STPG2: variants seen among roughly 807,000 people sequenced by gnomAD.
STPG2 encodes the protein sperm-tail PG-rich repeat-containing protein 2.
STPG2 carries 56 observed loss-of-function variants against 54.2 expected under a neutral mutation model. The ratio of observed to expected loss-of-function variants is 1.03; its 90% CI spans 0.83 to 1.29. The LOEUF (loss-of-function observed/expected upper bound fraction) is 1.29. Ranked by LOEUF, STPG2 falls within the 50% of genes most tolerant of loss-of-function variation. STPG2 has a pLI of 0.00. For missense variants in STPG2, 596 were observed against 544.9 expected, an observed-to-expected ratio of 1.09 and a Z score of -0.93; for synonymous variants, 200 against 181.8, an observed-to-expected ratio of 1.10 and a Z score of -0.81.
chr4:97,920,255 C>T (rs1732046605), intron 8 of STPG2, among the ~76,000 whole-genome samples: 1 of 152,128 alleles, frequency 6.6e-6, no homozygotes, highest in African/African-American at 2.4e-5. Flanking sequence ...GTTCAAATAG[C>T]TCTTCTCACT....
chr4:98,018,899 T>C (rs1736069744), intron 5 of STPG2, among the ~76,000 whole-genome samples: 1 of 151,966 alleles, frequency 6.6e-6, no homozygotes, highest in Non-Finnish European at 1.5e-5. Context: ...TTTGAGTTCA[T>C]TGTAGATTCT....
rs182221324 is a variant in STPG2 at position 98,069,413 on chromosome 4, C to G, written c.612+36540G>C. Among the ~76,000 whole-genome samples the G allele has an allele frequency of 1.5e-3, 231 of 152,082 alleles. 1 individual carries two copies. Among genetic ancestry groups the G allele is most frequent in the African/African-American group, 5.4e-3 (223 of 41,460 alleles). The stretch of plus-strand genomic sequence containing the variant: ...TATTATTTATAAAGTTTTGCCTTTT[C>G]CCCATCTGTCATCATGATTTGTTGC... On this transcript the variant is annotated intron_variant, in intron 5 of 10. Coordinates refer to ENST00000295268, the MANE Select transcript of STPG2 (RefSeq NM_174952.3).
intron 10 of STPG2, among the ~76,000 whole-genome samples, chr4:97,587,843 C>CCT (rs2148895839): frequency 6.6e-6 from 1 of 152,070 alleles, no homozygotes; most frequent in East Asian, 1.9e-4. Context: ...TCCTGACCCT[C>CCT]CTTAAGTCTG....
chr4:97,609,827 T>C (rs564600310), intron 10 of STPG2, among the ~76,000 whole-genome samples: 1 of 152,110 alleles, frequency 6.6e-6, no homozygotes, highest in East Asian at 1.9e-4. Flanking sequence ...ACATGTTGAA[T>C]TCATTTCAAA....
chr4:97,649,398 T>C (rs1722001641), intron 10 of STPG2, among the ~76,000 whole-genome samples: 1 of 152,178 alleles, frequency 6.6e-6, no homozygotes, highest in African/African-American at 2.4e-5. Flanking sequence ...TGGCTTTAAT[T>C]TGAAATAGTC....
chr4:97,497,078 T>C (rs546513038), intron 4 of STPG2, among the ~76,000 whole-genome samples: 1 of 148,894 alleles, frequency 6.7e-6, no homozygotes, highest in South Asian at 2.1e-4. Flanking sequence ...ATAAGAAAAA[T>C]AAGCATTCTT....
intron 10 of STPG2, among the ~76,000 whole-genome samples, chr4:97,610,104 T>G (rs912706829): frequency 6.6e-6 from 1 of 151,874 alleles, no homozygotes; most frequent in Non-Finnish European, 1.5e-5. Context: ...TAATTTTGCT[T>G]CCTCAATTTT....
intron 10 of STPG2, among the ~76,000 whole-genome samples, chr4:97,702,568 G>A (rs144390164): frequency 8.5e-5 from 13 of 152,198 alleles, no homozygotes; most frequent in Middle Eastern, 3.4e-3. Flanking sequence ...CTGTCTCACC[G>A]GAGGCCATCA....
intron 4 of STPG2, among the ~76,000 whole-genome samples, chr4:97,553,433 A>G (rs959103013): frequency 1.3e-5 from 2 of 152,150 alleles, no homozygotes; most frequent in Admixed American, 1.3e-4. Context: ...AAACTGAGAT[A>G]TAAGTTATGC....
intron 9 of STPG2, among the ~76,000 whole-genome samples, chr4:97,791,226 T>C (rs1435861799): frequency 6.6e-6 from 1 of 152,172 alleles, no homozygotes; most frequent in Non-Finnish European, 1.5e-5. Flanking sequence ...AAAAAAAATA[T>C]ATTGTATAGT....
intron 8 of STPG2, among the ~76,000 whole-genome samples, chr4:97,855,554 T>A (rs1729307814): frequency 6.6e-6 from 1 of 152,168 alleles, no homozygotes; most frequent in Non-Finnish European, 1.5e-5. Context: ...TCCTGTAGAC[T>A]CTGGATATTA....
At chr4:97,969,565 CAA>C (rs1734247697) in intron 7 of STPG2, among the ~76,000 whole-genome samples, 1 of 152,108 alleles carries the variant, frequency 6.6e-6, no homozygotes, top group African/African-American at 2.4e-5. Context: ...CACCTGGGAA[CAA>C]AGAGACAGCC....
At chr4:97,467,412 C>G (rs186057884) in intron 4 of STPG2, among the ~76,000 whole-genome samples, 3 of 151,810 alleles carry the variant, frequency 2.0e-5, no homozygotes, top group African/African-American at 7.2e-5. Flanking sequence ...TCCCAAGCAT[C>G]ATCATTCAAT....
intron 9 of STPG2, among the ~76,000 whole-genome samples, chr4:97,722,334 A>T (rs1254285902): frequency 6.6e-6 from 1 of 152,160 alleles, no homozygotes; most frequent in African/African-American, 2.4e-5. Flanking sequence ...CTTAGATGAA[A>T]TCTGATACTA....
Position 97,567,694 on chromosome 4 carries a change from G to T in STPG2, c.1321-8577C>A, listed in dbSNP as rs1464170477. Reference sequence around the variant, plus strand: ...AAGGAAGTTTTCTATGAATTGATATGGAGGGTTCTTCATTAACATGTGTAA... The same window carrying T: ...AAGGAAGTTTTCTATGAATTGATATTGAGGGTTCTTCATTAACATGTGTAA... On this transcript the variant is annotated intron_variant, in intron 10 of 10. Transcript: ENST00000295268. Among the ~76,000 whole-genome samples the T allele has an allele frequency of 2.0e-5, 3 of 151,798 alleles. No individual in the cohort carries two copies. The East Asian group carries it at 5.8e-4, about 29-fold the overall frequency.
chr4:98,029,967 T>C (rs1736541811), intron 5 of STPG2, among the ~76,000 whole-genome samples: 3 of 152,102 alleles, frequency 2.0e-5, no homozygotes, highest in Non-Finnish European at 4.4e-5. Flanking sequence ...TCATGGTAGA[T>C]GGTGGAAGGA....
chr4:97,516,741 T>C (rs1477871761), intron 4 of STPG2, among the ~76,000 whole-genome samples: 2 of 151,278 alleles, frequency 1.3e-5, no homozygotes, highest in Non-Finnish European at 2.9e-5. Context: ...GGCAGGAGAA[T>C]CACTTGAACA....
At chr4:97,952,670 G>T (rs1733517152) in intron 7 of STPG2, among the ~76,000 whole-genome samples, 1 of 152,216 alleles carries the variant, frequency 6.6e-6, no homozygotes, top group Admixed American at 6.5e-5. Flanking sequence ...TCTCTGATGG[G>T]GATGGCAGGG....
intron 3 of STPG2, among the ~76,000 whole-genome samples, chr4:98,110,182 C>T (rs973508137): frequency 6.6e-6 from 1 of 151,850 alleles, no homozygotes; most frequent in African/African-American, 2.4e-5. Context: ...GAGAGCCCCC[C>T]CAGCCAAGAA....
Sources: gnomAD v4.1 joint callset for allele counts (sites outside exome capture counted in the v4.1 genomes callset) on GRCh38, gnomAD v4.1.1 for gene constraint, MANE v1.5 for transcripts, NCBI Gene and HGNC (gene_info 2026-07-23, HGNC 2026-07-21) for gene names.